Variants in TYK2 observed in about 807,000 individuals in gnomAD.
TYK2 encodes non-receptor tyrosine-protein kinase TYK2.
In TYK2, 65 loss-of-function variants were observed where a neutral mutation model predicts 130.9. The ratio of observed to expected loss-of-function variants is 0.50; its 90% CI spans 0.41 to 0.61. The LOEUF is 0.61. Among genes scored for constraint, TYK2 ranks in the 20% least tolerant of loss-of-function variants. The pLI is 0.00. For synonymous variants in TYK2, 647 were observed against 658.9 expected (o/e 0.98, Z 0.28); for missense variants, 1,378 against 1,610.7 (o/e 0.86, Z 2.47).
intron 3 of TYK2, among the ~76,000 whole-genome samples, chr19:10,369,247 C>A (rs2041810243): frequency 6.6e-6 from 1 of 152,174 alleles, no homozygotes; most frequent in Admixed American, 6.6e-5. Context: ...AAAGAAACAT[C>A]CAGTCACCTC....
At chr19:10,376,018 T>C (rs1215773957) in intron 3 of TYK2, among the ~76,000 whole-genome samples, 3 of 150,070 alleles carry the variant, frequency 2.0e-5, no homozygotes, top group Admixed American at 6.6e-5. Flanking sequence ...TTTTTTTTTT[T>C]TTTTTTTCTT....
intron 9 of TYK2, 45 bp from the exon 10 acceptor site, chr19:10,362,702 C>G: frequency 2.7e-6 from 4 of 1,487,080 alleles, no homozygotes; most frequent in Non-Finnish European, 2.8e-6. Flanking sequence ...TGGGGCCACT[C>G]TGGACCCATA....
intron 14 of TYK2, among the ~76,000 whole-genome samples, chr19:10,359,904 A>G (rs2041309817): frequency 6.6e-6 from 1 of 152,128 alleles, no homozygotes; most frequent in Non-Finnish European, 1.5e-5. Flanking sequence ...CGGTAGTCCC[A>G]GCTACTTGGG....
In TYK2 at chr19:10,378,314, A is replaced by G; in HGVS notation, c.93T>C (p.Leu31=). 6.2e-7 allele frequency: 1 copy of G among 1,612,858 alleles called. No individual in the cohort carries two copies. ...PMAAMGGLKV[L]LHWAGPGGGE... ...CGCCGCCTGGACCAGCCCAGTGCAG[A>G]AGCACCTTCAGGCCTCCCATGGCAG... is the stretch of plus-strand genomic sequence containing the variant. Residue 31 remains leucine, a synonymous_variant, in exon 3 of 25, where the codon CTT becomes CTC. Coordinates refer to ENST00000525621, the MANE Select transcript of TYK2 (RefSeq NM_003331.5).
chr19:10,378,002 A>ATGGGTGGATGGGTGGGTGGG (rs1490782347), intron 3 of TYK2, among the ~76,000 whole-genome samples: 1 of 95,504 alleles, frequency 1.0e-5, no homozygotes, highest in African/African-American at 4.2e-5. Context: ...GGGAGGATGG[A>ATGGGTGGATGGGTGGGTGGG]TGGATGCATG....
At chr19:10,351,376 A>G in intron 23 of TYK2, 1 of 450,672 alleles carries the variant, frequency 2.2e-6, no homozygotes, top group Non-Finnish European at 4.2e-6. Context: ...AATCCCAGCT[A>G]CTTGGGAGGC....
At position 10,358,036 on chromosome 19, in the gene TYK2, G is replaced by T. The variant is rs958274716; in HGVS notation, c.2278C>A (p.Pro760Thr). The T allele has an allele frequency of 1.2e-6, 2 of 1,613,404 alleles. No individual in the cohort carries two copies. The highest frequency in any genetic ancestry group is 1.3e-5 in the African/African-American group (1 of 74,924). Residue 760 changes from proline to threonine, a missense_variant, in exon 16 of 25, where the codon CCT (proline) becomes ACT (threonine). Transcript: ENST00000525621. Reference sequence around the variant, plus strand: ...GAGAGGGCGCCCAGGCCCACGCCAGGATCACTCAGCTTGATGAAGGGGCTG... The same window carrying T: ...GAGAGGGCGCCCAGGCCCACGCCAGTATCACTCAGCTTGATGAAGGGGCTG... ...GTSPFIKLSD[P>T]GVGLGALSRE...
Position 10,352,533 on chromosome 19 carries a change from C to T in TYK2, c.3219G>A (p.Leu1073=), listed in dbSNP as rs1208497906. Residue 1073 remains leucine (L), a synonymous_variant, in exon 23 of 25, where the codon CTG becomes CTA. Coordinates refer to ENST00000525621, the MANE Select transcript of TYK2 (RefSeq NM_003331.5). Reference sequence around the variant, plus strand: ...ACGCATAGTAGAACTTATACTCCTTCAGGCACTCTGGGGCATACCTAGGGG... The same window carrying T: ...ACGCATAGTAGAACTTATACTCCTTTAGGCACTCTGGGGCATACCTAGGGG... ...SPVFWYAPEC[L]KEYKFYYASD... The T allele has an allele frequency of 1.9e-6, 3 of 1,569,050 alleles. No homozygotes were observed. The Admixed American group carries it at 5.3e-5, about 28-fold the overall frequency.
Position 10,353,046 on chromosome 19 carries a change from C to T in TYK2, c.3080G>A (p.Arg1027His), listed in dbSNP as rs1387668386. 3.1e-6 allele frequency: 5 copies of T among 1,590,354 alleles called. No individual in the cohort carries two copies. Among genetic ancestry groups the T allele is most frequent in the Non-Finnish European group, 3.4e-6 (4 of 1,166,816 alleles). Residue 1027 changes from arginine (R) to histidine (H), a missense_variant, in exon 22 of 25, where the codon CGC becomes CAC. Coordinates refer to ENST00000525621, the MANE Select transcript of TYK2 (RefSeq NM_003331.5). The surrounding 1 kb of genome is among the most constrained non-coding windows in gnomAD (Gnocchi z 6.9). ...QHYIHRDLAA[R>H]NVLLDNDRLV... is the part of the protein sequence containing the mutation. ...CCTGTCGTTGTCCAGCAGCACGTTG[C>T]GCGCGGCTAGGTCTCGGTGGATGTA... is the stretch of plus-strand genomic sequence containing the variant.
Position 10,353,433 on chromosome 19 carries a change from G to T in TYK2, c.3027+95C>A. 1.1e-6 allele frequency: 1 copy of T among 877,362 alleles called. No homozygotes were observed. The highest frequency in any genetic ancestry group is 1.7e-6 in the Non-Finnish European group (1 of 598,216). 54.3% of individuals were successfully genotyped at this position (877,362 alleles called of 1,614,324 possible). A position where few individuals can be genotyped will look rare whatever the true frequency, so the allele number is the denominator to read the frequency against. ...AGACAGCCTGGGCAAACGAGCAGGGGCGGAGCGTGAGAGCAGACTGCACCG... is the reference window on the plus strand; with the variant it reads ...AGACAGCCTGGGCAAACGAGCAGGGTCGGAGCGTGAGAGCAGACTGCACCG... On this transcript the variant is annotated intron_variant, in intron 21 of 24. Coordinates refer to ENST00000525621, the MANE Select transcript of TYK2 (RefSeq NM_003331.5). This position sits in a 1 kb window ranked among gnomAD's most constrained non-coding sequence, Gnocchi z 6.9.
At position 10,365,891 on chromosome 19, in the gene TYK2, C is replaced by T. The variant is rs1401498201; in HGVS notation, c.637G>A (p.Asp213Asn). The change falls in exon 7 of 25, where the codon GAC becomes AAC. Residue 213 changes from aspartate (D) to asparagine (N), a missense_variant. By Grantham distance (23) the Asp-to-Asn change is conservative. Coordinates refer to ENST00000525621, the MANE Select transcript of TYK2 (RefSeq NM_003331.5). ...EEVAKKTSFK[D>N]CIPRSFRRHI... ...CGGCGGAAGGAGCGCGGGATGCAGT[C>T]CTTGAAGCTGGGGGGAAACACAGTG... The T allele has an allele frequency of 1.9e-6, 3 of 1,607,706 alleles. No homozygotes were observed. The South Asian group carries it at 3.3e-5, about 18-fold the overall frequency.
At chr19:10,366,333 C>A in intron 6 of TYK2, 84 bp downstream of exon 6, 1 of 1,416,106 alleles carries the variant, frequency 7.1e-7, no homozygotes, top group Non-Finnish European at 9.6e-7. Context: ...AGAGGCACGG[C>A]AATATGCAAA....
chr19:10,379,505 C>CAATAAATAAATA (rs35074507), intron 2 of TYK2, 110 bp downstream of exon 2: 6 of 146,850 alleles, frequency 4.1e-5, no homozygotes, highest in African/African-American at 7.6e-5. Context: ...TACTAAAATA[C>CAATAAATAAATA]AATAAATAAA....
chr19:10,367,936 T>TC, intron 5 of TYK2, 119 bp downstream of exon 5: 1 of 1,085,544 alleles, frequency 9.2e-7, no homozygotes, highest in Non-Finnish European at 1.3e-6. Flanking sequence ...AAAAAAAAGA[T>TC]CCCCAGATAG....
In TYK2 at chr19:10,361,346, G is replaced by A; in HGVS notation, c.2047+165C>T. 2.8e-6 allele frequency: 2 copies of A among 708,252 alleles called. No individual in the cohort carries two copies. Among genetic ancestry groups the A allele is most frequent in the East Asian group, 5.4e-5 (2 of 36,818 alleles). The allele number at this position is 708,252 out of a possible 1,614,324, so 43.9% of individuals were successfully genotyped here. On this transcript the variant is annotated intron_variant, in intron 14 of 24. Transcript: ENST00000525621. This position sits in a 1 kb window ranked among gnomAD's most constrained non-coding sequence, Gnocchi z 4.0. Reference sequence around the variant, plus strand: ...GGCTGGAATATCGTTAGGGGTTGGGGTCTAGGTTGAAGGTCAAGGTGTAGC... The same window carrying A: ...GGCTGGAATATCGTTAGGGGTTGGGATCTAGGTTGAAGGTCAAGGTGTAGC...
intron 15 of TYK2, among the ~76,000 whole-genome samples, chr19:10,358,364 G>C (rs967306880): frequency 7.2e-6 from 1 of 138,452 alleles, no homozygotes; most frequent in Non-Finnish European, 1.5e-5. Flanking sequence ...ATAGTGGCAC[G>C]AACATAGCTC....
rs949079406 is a variant in TYK2, at chr19:10,380,438, C to T, written c.-244G>A. On this transcript the variant is annotated 5_prime_UTR_variant, in exon 1 of 25. Transcript: ENST00000525621. ...TCCCATCCAAGTGCAGCCTGTCAAGCGCAGCCAGTCCCCGCGGCTTCTTCC... is the reference window on the plus strand; with the variant it reads ...TCCCATCCAAGTGCAGCCTGTCAAGTGCAGCCAGTCCCCGCGGCTTCTTCC... The T allele has an allele frequency of 6.5e-6, 1 of 152,704 alleles. No individual in the cohort carries two copies. The highest frequency in any genetic ancestry group is 2.4e-5 in the African/African-American group (1 of 41,470). 9.5% of individuals were successfully genotyped at this position (152,704 alleles called of 1,614,324 possible).
chr19:10,366,734 A>T (rs1170760416), intron 5 of TYK2, among the ~76,000 whole-genome samples, 154 bp from the exon 6 acceptor site: 7 of 100,280 alleles, frequency 7.0e-5, no homozygotes, highest in East Asian at 2.4e-4. Context: ...CTGATGAGCT[A>T]AAAAAAAAAA....
chr19:10,377,386 A>AGGTGGGTG (rs762043167), intron 3 of TYK2, among the ~76,000 whole-genome samples: 1 of 74,570 alleles, frequency 1.3e-5, no homozygotes, highest in Non-Finnish European at 3.0e-5. Context: ...ATGGATGAAT[A>AGGTGGGTG]GGTGGGTGGG....
Sources: gnomAD v4.1 joint callset for allele counts (sites outside exome capture counted in the v4.1 genomes callset) on GRCh38, gnomAD v4.1.1 for gene constraint, Gnocchi (gnomAD v3.1) non-coding constraint, MANE v1.5 for transcripts, NCBI Gene and HGNC (gene_info 2026-07-23, HGNC 2026-07-21) for gene names.